Variants in NUP88 observed in about 807,000 individuals in gnomAD.
NUP88 encodes the protein nucleoporin 88, also known as nuclear pore complex protein Nup88.
A neutral mutation model predicts 93.9 loss-of-function variants in NUP88; 57 were observed. The ratio of observed to expected loss-of-function variants is 0.61; its 90% CI spans 0.49 to 0.76. The LOEUF (loss-of-function observed/expected upper bound fraction) is 0.76, where lower values mean the gene tolerates loss of function less well. Ranked by LOEUF, NUP88 falls within the 30% of genes least tolerant of loss-of-function variation. NUP88 has a pLI of 0.00. For synonymous variants in NUP88, 346 were observed against 336.8 expected, an observed-to-expected ratio of 1.03 and a Z score of -0.30; for missense variants, 911 against 901.0, an observed-to-expected ratio of 1.01 and a Z score of -0.14.
At chr17:5,388,589 A>C (rs934970023) in intron 11 of NUP88, 6 of 465,962 alleles carry the variant, frequency 1.3e-5, no homozygotes, top group African/African-American at 1.2e-4. Context: ...CGCCCGGCCT[A>C]GCCTAACTTC....
In NUP88 at chr17:5,404,477, G is replaced by A. The variant is rs7225412; in HGVS notation, c.1045-231C>T. ...AAAGTACAAGAAATCAGCCGGGCGT[G>A]GTGGTGGGTGCCTGTAATCCCAGCT... On this transcript the variant is annotated intron_variant, in intron 6 of 16. Coordinates refer to ENST00000573584, the MANE Select transcript of NUP88 (RefSeq NM_002532.6). Among the ~76,000 whole-genome samples the A allele has an allele frequency of 4.1e-3, 627 of 152,236 alleles. 4 individuals carry two copies. Among genetic ancestry groups the A allele is most frequent in the African/African-American group, 0.015 (605 of 41,532 alleles).
At chr17:5,413,260 C>A (rs1913945487) in intron 3 of NUP88, among the ~76,000 whole-genome samples, 1 of 152,226 alleles carries the variant, frequency 6.6e-6, no homozygotes, top group Non-Finnish European at 1.5e-5. Context: ...GTGTGAGCCA[C>A]TGCAACCAGC....
At chr17:5,411,580 C>CAAA (rs56658902) in intron 3 of NUP88, among the ~76,000 whole-genome samples, 2 of 110,164 alleles carry the variant, frequency 1.8e-5, no homozygotes, top group Non-Finnish European at 3.8e-5. Context: ...GACTCCATTT[C>CAAA]AAAAAAAAAA....
Position 5,405,059 on chromosome 17 carries a change from T to C in NUP88, c.1042A>G (p.Thr348Ala), listed in dbSNP as rs201186589. The C allele has an allele frequency of 3.7e-6, 6 of 1,613,632 alleles. No individual in the cohort carries two copies. The East Asian group carries it at 1.1e-4, about 30-fold the overall frequency. Reference sequence around the variant, plus strand: ...CAACCACAGCAGCCTGCACTTACCGTGTGGTCATCTTCTTCTTCCCCTTCT... The same window carrying C: ...CAACCACAGCAGCCTGCACTTACCGCGTGGTCATCTTCTTCTTCCCCTTCT... ...VLEGEEEDDH[T>A]SEKSWDSRID... Residue 348 changes from threonine to alanine, a missense_variant and splice_region_variant, in exon 6 of 17, where the codon ACG becomes GCG. Thr to Ala is a moderately conservative substitution (Grantham distance 58). Transcript: ENST00000573584.
chr17:5,413,393 G>A (rs762502939), intron 3 of NUP88, among the ~76,000 whole-genome samples: 9 of 152,208 alleles, frequency 5.9e-5, no homozygotes, highest in Non-Finnish European at 1.2e-4. Flanking sequence ...ATTTAGTAGA[G>A]CACAGTTAAA....
chr17:5,403,296 T>A (rs1198783326), intron 7 of NUP88, among the ~76,000 whole-genome samples: 1 of 151,734 alleles, frequency 6.6e-6, no homozygotes. Context: ...GCCAATATGG[T>A]GAGACCCCCG....
chr17:5,394,841 G>A, intron 9 of NUP88, 50 bp downstream of exon 9: 1 of 1,242,484 alleles, frequency 8.0e-7, no homozygotes, highest in East Asian at 2.3e-5. Flanking sequence ...TATCTGAACT[G>A]CTGAAATGAA....
chr17:5,385,873 T>C lies in NUP88; in HGVS notation c.*333A>G, dbSNP rs1597309686. 1 of 287,168 alleles carries C rather than the reference T, an allele frequency of 3.5e-6. No individual in the cohort carries two copies. The highest frequency in any genetic ancestry group is 2.2e-5 in the African/African-American group (1 of 46,290). 17.8% of individuals were successfully genotyped at this position (287,168 alleles called of 1,614,324 possible). A position where few individuals can be genotyped will look rare whatever the true frequency, so the allele number is the denominator to read the frequency against. ...TCCCTCTTCAGAGTCATGTTTCTGG[T>C]GCTGCTACTTTAAAACACAGCTCAC... On this transcript the variant is annotated 3_prime_UTR_variant, in exon 17 of 17. Transcript: ENST00000573584.
At position 5,419,575 on chromosome 17, in the gene NUP88, G is replaced by T; in HGVS notation, c.76C>A (p.Arg26=). The change falls in exon 1 of 17, where the codon CGG becomes AGG. Residue 26 remains arginine, a synonymous_variant. Coordinates refer to ENST00000573584, the MANE Select transcript of NUP88 (RefSeq NM_002532.6). ...TGGTTTTTCAGTCCCTCCCGGAGCC[G>T]CAAGAACACGACGTGGTTAGGAAGC... The part of the protein sequence containing the change: ...TWLPNHVVFL[R]LREGLKNQSP... 6.2e-7 allele frequency: 1 copy of T among 1,609,548 alleles called. No individual in the cohort carries two copies.
At position 5,387,812 on chromosome 17, in the gene NUP88, T is replaced by C. The variant is rs1463394363; in HGVS notation, c.1736A>G (p.Lys579Arg). The change falls in exon 12 of 17, where the codon AAA becomes AGA. Residue 579 changes from lysine to arginine, a missense_variant. Lys to Arg is a conservative substitution (Grantham distance 26). Coordinates refer to ENST00000573584, the MANE Select transcript of NUP88 (RefSeq NM_002532.6). ...AATCTCCTCCTTTGCCAAGTCCTGTTTGAGAATGTACTGCTCTCTGAACAC... is the reference window on the plus strand; with the variant it reads ...AATCTCCTCCTTTGCCAAGTCCTGTCTGAGAATGTACTGCTCTCTGAACAC... ...TQVFREQYIL[K>R]QDLAKEEIQR... The C allele has an allele frequency of 2.5e-6, 4 of 1,613,014 alleles. No individual in the cohort carries two copies. The highest frequency in any genetic ancestry group is 3.4e-6 in the Non-Finnish European group (4 of 1,179,810).
Position 5,419,586 on chromosome 17 carries a change from A to G in NUP88, c.65T>C (p.Val22Ala). The change falls in exon 1 of 17, where the codon GTC becomes GCC. Residue 22 changes from valine to alanine, a missense_variant. Transcript: ENST00000573584. ...ELWQTWLPNH[V>A]VFLRLREGLK... ...TCCCTCCCGGAGCCGCAAGAACACG[A>G]CGTGGTTAGGAAGCCAGGTCTGCCA... 6.2e-7 allele frequency: 1 copy of G among 1,607,662 alleles called. No homozygotes were observed. Among genetic ancestry groups the G allele is most frequent in the Non-Finnish European group, 8.5e-7 (1 of 1,175,824 alleles).
At chr17:5,410,074 A>ATTT (rs1913741244) in intron 4 of NUP88, among the ~76,000 whole-genome samples, 1 of 152,228 alleles carries the variant, frequency 6.6e-6, no homozygotes, top group Non-Finnish European at 1.5e-5. Context: ...GAGAGCAGGG[A>ATTT]AGTAGAATGA....
chr17:5,388,915 T>A lies in NUP88; in HGVS notation c.1530A>T (p.Glu510Asp). 4 of 1,613,930 alleles carry A rather than the reference T, an allele frequency of 2.5e-6. No homozygotes were observed. The highest frequency in any genetic ancestry group is 1.6e-4 in the Middle Eastern group (1 of 6,062). The change falls in exon 11 of 17, where the codon GAA becomes GAT. Residue 510 changes from glutamate to aspartate, a missense_variant. Coordinates refer to ENST00000573584, the MANE Select transcript of NUP88 (RefSeq NM_002532.6). ...PASPPLLCTREDVEVAESPLR... is the reference protein window; with the variant it reads ...PASPPLLCTRDDVEVAESPLR... Reference sequence around the variant, plus strand: ...GGGGAGACTCTGCCACTTCAACATCTTCTCGAGTACAAAGCAGGGGAGGAG... The same window carrying A: ...GGGGAGACTCTGCCACTTCAACATCATCTCGAGTACAAAGCAGGGGAGGAG...
At position 5,386,727 on chromosome 17, in the gene NUP88, G is replaced by C. The variant is rs1340833948; in HGVS notation, c.2143C>G (p.Gln715Glu). The change falls in exon 16 of 17, where the codon CAG (glutamine) becomes GAG (glutamate). Residue 715 changes from glutamine (Q) to glutamate (E), a missense_variant. Gln to Glu is a conservative substitution (Grantham distance 29, BLOSUM62 2). Coordinates refer to ENST00000573584, the MANE Select transcript of NUP88 (RefSeq NM_002532.6). ...ACTTACTCCTCTTTCAGGATGGACT[G>C]AATGCACTTTCGCTGGTAGGCACTG... ...ILSAYQRKCI[Q>E]SILKEEGEHI... is the part of the protein sequence containing the mutation. 6.2e-7 allele frequency: 1 copy of C among 1,609,030 alleles called. No homozygotes were observed. Among genetic ancestry groups the C allele is most frequent in the Non-Finnish European group, 8.5e-7 (1 of 1,175,382 alleles).
At chr17:5,402,347 C>T (rs1453040122) in intron 7 of NUP88, among the ~76,000 whole-genome samples, 1 of 152,008 alleles carries the variant, frequency 6.6e-6, no homozygotes, top group Non-Finnish European at 1.5e-5. Flanking sequence ...AAACAAAACC[C>T]AAGAACAAAA....
intron 9 of NUP88, 34 bp downstream of exon 9, chr17:5,394,857 G>C: frequency 1.4e-6 from 2 of 1,387,132 alleles, no homozygotes; most frequent in Non-Finnish European, 2.1e-6. Context: ...ATGAACAATT[G>C]TTTTCTGATA....
In NUP88 at chr17:5,386,151, T is replaced by C. The variant is rs1911945129; in HGVS notation, c.*55A>G. 29 of 1,308,978 alleles carry C rather than the reference T, an allele frequency of 2.2e-5. No individual in the cohort carries two copies. In the South Asian group the frequency reaches 3.4e-4, roughly 16 times the overall value. 81.1% of individuals were successfully genotyped at this position (1,308,978 alleles called of 1,614,324 possible). ...AGATAATTCTACCTGTTTTACAATATGGGTTTAAGCCTTCAATGGTGTTCA... is the reference window on the plus strand; with the variant it reads ...AGATAATTCTACCTGTTTTACAATACGGGTTTAAGCCTTCAATGGTGTTCA... On this transcript the variant is annotated 3_prime_UTR_variant, in exon 17 of 17. Transcript: ENST00000573584.
chr17:5,412,602 C>T (rs1333775558), intron 3 of NUP88, among the ~76,000 whole-genome samples: 1 of 152,098 alleles, frequency 6.6e-6, no homozygotes, highest in African/African-American at 2.4e-5. Context: ...GGAGCCAGAG[C>T]TCCTCAGTGA....
In NUP88 at chr17:5,384,833, T is replaced by C. The variant is rs1285612574; in HGVS notation, c.*1373A>G. The C allele has an allele frequency of 4.6e-6, 1 of 217,586 alleles. No homozygotes were observed. Among genetic ancestry groups the C allele is most frequent in the Non-Finnish European group, 9.2e-6 (1 of 108,582 alleles). 13.5% of individuals were successfully genotyped at this position (217,586 alleles called of 1,614,324 possible). ...TTTAGATAAAGGAAACATATAACTATTGAGTTACAGGGGATTTTATTAATT... is the reference window on the plus strand; with the variant it reads ...TTTAGATAAAGGAAACATATAACTACTGAGTTACAGGGGATTTTATTAATT... On this transcript the variant is annotated 3_prime_UTR_variant, in exon 17 of 17. Coordinates refer to ENST00000573584, the MANE Select transcript of NUP88 (RefSeq NM_002532.6).
Sources: allele counts gnomAD v4.1 joint callset (sites outside exome capture counted in the v4.1 genomes callset), GRCh38; gene constraint gnomAD v4.1.1; transcripts MANE v1.5; gene names NCBI Gene and HGNC (gene_info 2026-07-23, HGNC 2026-07-21).